SIPA1L2: variants seen among roughly 807,000 people sequenced by gnomAD.
SIPA1L2 encodes signal induced proliferation associated 1 like 2, also known as signal-induced proliferation-associated 1-like protein 2.
SIPA1L2 carries 56 observed loss-of-function variants against 163.9 expected under a neutral mutation model. The observed-to-expected ratio is 0.34, with a 90% confidence interval of 0.28 to 0.43. SIPA1L2 has a LOEUF of 0.43. Among genes scored for constraint, SIPA1L2 ranks in the 20% least tolerant of loss-of-function variants. The probability of loss-of-function intolerance (pLI) is 1.00; values close to 1 mark genes in which losing one functional copy is unlikely to be tolerated. For missense variants in SIPA1L2, 1,974 were observed against 2,193.5 expected, an observed-to-expected ratio of 0.90 and a Z score of 2.00; for synonymous variants, 877 against 865.7, an observed-to-expected ratio of 1.01 and a Z score of -0.23.
In SIPA1L2 at chr1:232,514,664, C is replaced by T. The variant is rs201202325; in HGVS notation, c.676G>A (p.Val226Ile). The change falls in exon 3 of 23, where the codon GTC becomes ATC. Residue 226 changes from valine (V) to isoleucine (I), a missense_variant. Physicochemically the swap from Val to Ile is conservative, Grantham distance 29. Transcript: ENST00000674635. Reference protein sequence around the residue: ...RVENYDHKAMVPFGFPEFFRC... With the variant: ...RVENYDHKAMIPFGFPEFFRC... Reference sequence around the variant, plus strand: ...AAAAATTCAGGGAACCCAAAAGGGACCATTGCTTTGTGGTCATAATTTTCT... The same window carrying T: ...AAAAATTCAGGGAACCCAAAAGGGATCATTGCTTTGTGGTCATAATTTTCT... The T allele has an allele frequency of 2.7e-5, 43 of 1,614,046 alleles. No homozygotes were observed. The highest frequency in any genetic ancestry group is 3.4e-5 in the Non-Finnish European group (40 of 1,180,038).
intron 9 of SIPA1L2, 99 bp downstream of exon 9, chr1:232,464,741 T>C: frequency 2.1e-6 from 2 of 961,544 alleles, no homozygotes; most frequent in Non-Finnish European, 3.0e-6. Flanking sequence ...ATGCATTCCC[T>C]AATTGGTATA....
intron 18 of SIPA1L2, among the ~76,000 whole-genome samples, chr1:232,416,760 A>C (rs1044843062): frequency 1.6e-4 from 24 of 152,238 alleles, no homozygotes; most frequent in Non-Finnish European, 3.1e-4. Context: ...TTTCTGACTT[A>C]GTAAGGTAGT....
chr1:232,434,073 G>A (rs1057210898), intron 15 of SIPA1L2, among the ~76,000 whole-genome samples: 53 of 152,164 alleles, frequency 3.5e-4, no homozygotes, highest in African/African-American at 1.2e-3. Context: ...GATTATTCAC[G>A]AGTAGGAGTC....
At chr1:232,526,472 C>A (rs1455262500) in intron 2 of SIPA1L2, among the ~76,000 whole-genome samples, 3 of 152,180 alleles carry the variant, frequency 2.0e-5, no homozygotes, top group Non-Finnish European at 4.4e-5. Flanking sequence ...GAGTGCTCAA[C>A]CTAAATGTAT....
chr1:232,567,509 AAAAT>A (rs1659476010), intron 2 of SIPA1L2, among the ~76,000 whole-genome samples: 2 of 152,214 alleles, frequency 1.3e-5, no homozygotes, highest in African/African-American at 4.8e-5. Context: ...AAATGGAAGG[AAAAT>A]AAATAAATTT....
At chr1:232,583,268 T>C (rs541561274) in intron 1 of SIPA1L2, among the ~76,000 whole-genome samples, 12 of 152,268 alleles carry the variant, frequency 7.9e-5, no homozygotes, top group East Asian at 3.9e-4. Flanking sequence ...TAGGAAGTAA[T>C]AGGCATCATC....
chr1:232,595,643 TC>T (rs1661221028), intron 1 of SIPA1L2, among the ~76,000 whole-genome samples: 1 of 152,172 alleles, frequency 6.6e-6, no homozygotes. Context: ...AAAGAGGATT[TC>T]AGATTCCTGA....
intron 2 of SIPA1L2, among the ~76,000 whole-genome samples, chr1:232,516,541 T>C (rs1667227616): frequency 6.6e-6 from 1 of 152,328 alleles, no homozygotes; most frequent in African/African-American, 2.4e-5. Flanking sequence ...TGACTACTCA[T>C]TTTCCCTGTT....
At chr1:232,594,400 A>T (rs1178537542) in intron 1 of SIPA1L2, among the ~76,000 whole-genome samples, 2 of 152,132 alleles carry the variant, frequency 1.3e-5, no homozygotes, top group Non-Finnish European at 2.9e-5. Context: ...CTGGTGTCAA[A>T]GATGAGCACA....
In SIPA1L2 at chr1:232,418,922, C is replaced by T. The variant is rs114860642; in HGVS notation, c.4631-3297G>A. Among the ~76,000 whole-genome samples, 1,325 of 152,322 alleles carry T rather than the reference C, an allele frequency of 8.7e-3. 8 individuals carry two copies. Among genetic ancestry groups the T allele is most frequent in the South Asian group, 0.016 (78 of 4,824 alleles). On this transcript the variant is annotated intron_variant, in intron 18 of 22. Coordinates refer to ENST00000674635, the MANE Select transcript of SIPA1L2 (RefSeq NM_020808.5). ...CCACAATGTATTTGATAAGTGACTA[C>T]TGCCTGCCACGTGATGGGGGCACAA... is the stretch of plus-strand genomic sequence containing the variant.
chr1:232,456,187 T>C (rs1015549841), intron 10 of SIPA1L2, among the ~76,000 whole-genome samples: 6 of 152,302 alleles, frequency 3.9e-5, no homozygotes, highest in Non-Finnish European at 4.4e-5. Flanking sequence ...GAAGGCTCAC[T>C]TGAGTCCAGA....
At chr1:232,462,794 G>T (rs1186701291) in intron 9 of SIPA1L2, among the ~76,000 whole-genome samples, 1 of 152,146 alleles carries the variant, frequency 6.6e-6, no homozygotes, top group Non-Finnish European at 1.5e-5. Context: ...CATGTATCAG[G>T]CTGAAGAGTT....
intron 2 of SIPA1L2, among the ~76,000 whole-genome samples, chr1:232,520,323 TG>T (rs1667406404): frequency 6.6e-6 from 1 of 152,192 alleles, no homozygotes; most frequent in African/African-American, 2.4e-5. Flanking sequence ...GGTAGTGGGG[TG>T]CCCCCAAGTG....
At chr1:232,425,387 T>C (rs1422753497) in intron 18 of SIPA1L2, among the ~76,000 whole-genome samples, 1 of 152,216 alleles carries the variant, frequency 6.6e-6, no homozygotes, top group Non-Finnish European at 1.5e-5. Context: ...GCTTTCAAAA[T>C]AGGTAGTGTT....
intron 19 of SIPA1L2, among the ~76,000 whole-genome samples, chr1:232,411,947 C>T (rs969142561): frequency 6.6e-6 from 1 of 152,134 alleles, no homozygotes; most frequent in Admixed American, 6.5e-5. Context: ...GCAATGTGGT[C>T]TGGAAACACG....
intron 1 of SIPA1L2, among the ~76,000 whole-genome samples, chr1:232,605,860 T>C (rs927789025): frequency 2.6e-5 from 4 of 152,210 alleles, no homozygotes; most frequent in African/African-American, 9.6e-5. Context: ...TAGGACTTCT[T>C]ACACACATCA....
intron 1 of SIPA1L2, among the ~76,000 whole-genome samples, chr1:232,587,092 T>C (rs1240325488): frequency 6.6e-6 from 1 of 152,246 alleles, no homozygotes; most frequent in Non-Finnish European, 1.5e-5. Context: ...ACAAAAAGAT[T>C]ACCTTGACTA....
chr1:232,406,320 G>A (rs1398754279), intron 19 of SIPA1L2, among the ~76,000 whole-genome samples: 1 of 152,196 alleles, frequency 6.6e-6, no homozygotes, highest in African/African-American at 2.4e-5. Context: ...CACACGTGGA[G>A]CCCCTTCGGT....
At chr1:232,568,580 G>C (rs1216361826) in intron 2 of SIPA1L2, among the ~76,000 whole-genome samples, 1 of 152,218 alleles carries the variant, frequency 6.6e-6, no homozygotes, top group Non-Finnish European at 1.5e-5. Context: ...GGGAAGAGGA[G>C]GCTAAGGAAC....
Sources: gnomAD v4.1 joint callset for allele counts (sites outside exome capture counted in the v4.1 genomes callset) on GRCh38, gnomAD v4.1.1 for gene constraint, MANE v1.5 for transcripts, NCBI Gene and HGNC (gene_info 2026-07-23, HGNC 2026-07-21) for gene names.